The following GALNT16 variants were observed in gnomAD, a reference collection of about 807,000 sequenced individuals.
GALNT16 encodes UDP-GalNAc:polypeptide N-acetylgalactosaminyltransferase-like protein 1.
A neutral mutation model predicts 76.1 loss-of-function variants in GALNT16; 40 were observed. The observed-to-expected ratio is 0.53, with a 90% CI of 0.41 to 0.68. The LOEUF is 0.68. Ranked by LOEUF, GALNT16 falls within the 30% of genes least tolerant of loss-of-function variation. GALNT16 has a pLI of 0.00. For missense variants in GALNT16, 621 were observed against 731.9 expected (o/e 0.85, Z 1.75); for synonymous variants, 276 against 285.2 (o/e 0.97, Z 0.32).
chr14:69,320,876 C>T lies in GALNT16; in HGVS notation c.335+8C>T. ...GGACACCCGCCATTACAGGTACGGC[C>T]TCCATCGTGTCAGTGGAGGAAGAAA... is the stretch of plus-strand genomic sequence containing the variant. On this transcript the variant is annotated splice_region_variant and intron_variant, in intron 2 of 14. Coordinates refer to ENST00000448469, the MANE Select transcript of GALNT16 (RefSeq NM_001168368.2). The T allele has an allele frequency of 1.9e-6, 3 of 1,612,250 alleles. No homozygotes were observed. Among genetic ancestry groups the T allele is most frequent in the Non-Finnish European group, 2.5e-6 (3 of 1,179,096 alleles).
chr14:69,261,552 GGCGA>G lies in GALNT16; in HGVS notation c.177+1086_177+1089del, dbSNP rs2044272933. ...CGGGGGTAAAGGAGTGAGGAAGCGTGGCGATTCCGACAAGGAAAGATCTGGGCCT... is the reference window on the plus strand; with the variant it reads ...CGGGGGTAAAGGAGTGAGGAAGCGTGTTCCGACAAGGAAAGATCTGGGCCT... On this transcript the variant is annotated intron_variant, in intron 1 of 14. Transcript: ENST00000448469. This position sits in a 1 kb window ranked among gnomAD's most constrained non-coding sequence, Gnocchi z 6.4. 6.6e-6 allele frequency among the ~76,000 whole-genome samples: 1 copy of G among 151,746 alleles called. No homozygotes were observed. Among genetic ancestry groups the G allele is most frequent in the African/African-American group, 2.4e-5 (1 of 41,286 alleles).
At chr14:69,291,694 G>A (rs903006850) in intron 1 of GALNT16, among the ~76,000 whole-genome samples, 1 of 152,212 alleles carries the variant, frequency 6.6e-6, no homozygotes, top group African/African-American at 2.4e-5. Flanking sequence ...TCAAGGTCAT[G>A]TGGAACAGGA....
chr14:69,316,303 C>A (rs1472532236), intron 1 of GALNT16, among the ~76,000 whole-genome samples: 1 of 152,170 alleles, frequency 6.6e-6, no homozygotes, highest in Non-Finnish European at 1.5e-5. Context: ...CACATGTATT[C>A]AGTAGCTATT....
chr14:69,314,059 G>C (rs12432549), intron 1 of GALNT16, among the ~76,000 whole-genome samples: 22,355 of 152,266 alleles, frequency 0.15, 2,491 homozygotes, highest in East Asian at 0.43. Flanking sequence ...CCCACCTCCA[G>C]AGATTCTGGT....
chr14:69,371,849 CAGA>C, the GALNT16 span, among the ~76,000 whole-genome samples: 1 of 151,858 alleles, frequency 6.6e-6, no homozygotes, highest in African/African-American at 2.4e-5. Context: ...GAGGCTGAGG[CAGA>C]AGAATTGCTT....
Position 69,347,873 on chromosome 14 carries a change from G to C in GALNT16, c.1414-4G>C, listed in dbSNP as rs1363368101. 1 of 1,612,950 alleles carries C rather than the reference G, an allele frequency of 6.2e-7. No homozygotes were observed. The highest frequency in any genetic ancestry group is 1.3e-5 in the African/African-American group (1 of 74,926). ...ACTTGGCCTTTCTGCTCCCTGCCTT[G>C]CAGGCATGGCTGTTCAGTGACCACC... is the stretch of plus-strand genomic sequence containing the variant. On this transcript the variant is annotated splice_region_variant and splice_polypyrimidine_tract_variant and intron_variant, in intron 13 of 14. Transcript: ENST00000448469.
chr14:69,260,276 G>A lies in GALNT16; in HGVS notation c.-15G>A, dbSNP rs754308528. ...GCCGGCCCAGTCCCCCACCTGGGGC[G>A]CCCGTCTGCCCACCATGAGGAAGAT... On this transcript the variant is annotated 5_prime_UTR_variant, in exon 1 of 15. Coordinates refer to ENST00000448469, the MANE Select transcript of GALNT16 (RefSeq NM_001168368.2). 1.2e-5 allele frequency: 19 copies of A among 1,610,756 alleles called. No individual in the cohort carries two copies. The highest frequency in any genetic ancestry group is 3.3e-4 in the Middle Eastern group (2 of 6,076).
intron 1 of GALNT16, among the ~76,000 whole-genome samples, chr14:69,290,430 C>T (rs755806878): frequency 2.0e-5 from 3 of 152,206 alleles, no homozygotes; most frequent in Non-Finnish European, 2.9e-5. Context: ...GGGAACAGCA[C>T]GGCAGGGACA....
At chr14:69,260,102 T>G, upstream of GALNT16, 4 of 505,270 alleles carry the variant, frequency 7.9e-6, no homozygotes, top group Non-Finnish European at 7.1e-6. Flanking sequence ...ATTAGGACCG[T>G]GAGGATCGCT....
chr14:69,344,980 A>G (rs1039713181), intron 12 of GALNT16, among the ~76,000 whole-genome samples: 1 of 152,190 alleles, frequency 6.6e-6, no homozygotes, highest in Non-Finnish European at 1.5e-5. Context: ...TCAATAAGTC[A>G]AATGGGTAAG....
chr14:69,330,699 G>A (rs2045341890), intron 6 of GALNT16, among the ~76,000 whole-genome samples: 1 of 152,186 alleles, frequency 6.6e-6, no homozygotes, highest in African/African-American at 2.4e-5. Context: ...AAAGCAGAGT[G>A]GGGAAGGAGA....
intron 3 of GALNT16, 24 bp downstream of exon 3, chr14:69,324,814 A>C: frequency 1.4e-5 from 21 of 1,466,396 alleles, no homozygotes; most frequent in Non-Finnish European, 1.8e-5. Context: ...TGGGACTCTC[A>C]TCTCAGTGGT....
chr14:69,362,410 GC>G, the GALNT16 span, among the ~76,000 whole-genome samples: 2 of 152,252 alleles, frequency 1.3e-5, no homozygotes, highest in Non-Finnish European at 2.9e-5. Context: ...TCCACCAGGT[GC>G]CTGGATCTCT....
Position 69,333,585 on chromosome 14 carries a change from G to T in GALNT16, c.952G>T (p.Gly318Trp), listed in dbSNP as rs774527868. Residue 318 changes from glycine to tryptophan, a missense_variant, in exon 9 of 15, where the codon GGG becomes TGG. Transcript: ENST00000448469. The surrounding 1 kb of genome is among the most constrained non-coding windows in gnomAD (Gnocchi z 4.2). ...GKYDAQMDIW[G>W]GENFELSFRV... ...GTATGATGCCCAGATGGACATCTGGGGGGGAGAGAATTTTGGTGAGTTGGG... is the reference window on the plus strand; with the variant it reads ...GTATGATGCCCAGATGGACATCTGGTGGGGAGAGAATTTTGGTGAGTTGGG... 1.1e-5 allele frequency: 18 copies of T among 1,570,166 alleles called. No homozygotes were observed. The highest frequency in any genetic ancestry group is 2.2e-5 in the East Asian group (1 of 44,652).
rs778892705 is a variant in GALNT16 at position 69,328,442 on chromosome 14, T to G, written c.569-8T>G. On this transcript the variant is annotated splice_polypyrimidine_tract_variant and splice_region_variant and intron_variant, in intron 5 of 14. Transcript: ENST00000448469. ...CCCAGCGCCAAGCCCTATCTACTCC[T>G]CTTGTAGGGCTGATCCGGTCCCGAG... 50 of 1,613,264 alleles carry G rather than the reference T, an allele frequency of 3.1e-5. No homozygotes were observed. The highest frequency in any genetic ancestry group is 4.0e-5 in the Non-Finnish European group (47 of 1,179,646).
chr14:69,342,970 G>T (rs547169618), intron 12 of GALNT16, among the ~76,000 whole-genome samples: 7 of 152,180 alleles, frequency 4.6e-5, no homozygotes, highest in African/African-American at 1.7e-4. Context: ...TAATTTTGTT[G>T]TATCTCCCTG....
Position 69,354,026 on chromosome 14 carries a change from C to T in GALNT16, c.*1858C>T, listed in dbSNP as rs1420419701. 6.6e-6 allele frequency: 1 copy of T among 152,518 alleles called. No individual in the cohort carries two copies. The highest frequency in any genetic ancestry group is 1.9e-4 in the East Asian group (1 of 5,186). The allele number at this position is 152,518 out of a possible 1,614,324, so 9.4% of individuals were successfully genotyped here. ...CCTCTGGACTTGCCAGCGCAGGCCC[C>T]TTCGCTCCCAGGGCCATGCTTTGCC... On this transcript the variant is annotated 3_prime_UTR_variant, in exon 15 of 15. Coordinates refer to ENST00000448469, the MANE Select transcript of GALNT16 (RefSeq NM_001168368.2).
intron 1 of GALNT16, among the ~76,000 whole-genome samples, chr14:69,280,508 T>C (rs2044526423): frequency 6.6e-6 from 1 of 152,234 alleles, no homozygotes; most frequent in Non-Finnish European, 1.5e-5. Context: ...GCAAACATGG[T>C]GTACAAGTAT....
rs374892056 is a variant in GALNT16, at chr14:69,310,609, A to C, written c.178-10102A>C. Among the ~76,000 whole-genome samples, 47 of 152,342 alleles carry C rather than the reference A, an allele frequency of 3.1e-4. 1 individual carries two copies. The South Asian group carries it at 9.7e-3, about 32-fold the overall frequency. ...CAATGTATGGTTCAGTGTACTGTGC[A>C]AAACTGCAATAAATGCCACATTTCC... On this transcript the variant is annotated intron_variant, in intron 1 of 14. Transcript: ENST00000448469.
Sources: allele counts gnomAD v4.1 joint callset (sites outside exome capture counted in the v4.1 genomes callset), GRCh38; gene constraint gnomAD v4.1.1; non-coding constraint Gnocchi (gnomAD v3.1); transcripts MANE v1.5; gene names NCBI Gene and HGNC (gene_info 2026-07-23, HGNC 2026-07-21).